The following SLC25A43 variants were observed in gnomAD, a reference collection of about 807,000 sequenced individuals.
The protein encoded by SLC25A43 is solute carrier family 25, member 43.
SLC25A43 carries 10 observed loss-of-function variants against 22.8 expected under a neutral mutation model. The ratio of observed to expected loss-of-function variants is 0.44; its 90% CI spans 0.27 to 0.74. The LOEUF (loss-of-function observed/expected upper bound fraction) is 0.74, where lower values mean the gene tolerates loss of function less well. SLC25A43 is among the 30% of genes least tolerant of loss of function. The pLI, the probability that SLC25A43 is intolerant of heterozygous loss-of-function variation, is 0.17. For synonymous variants in SLC25A43, 106 were observed against 121.6 expected, an observed-to-expected ratio of 0.87 and a Z score of 0.84; for missense variants, 233 against 279.1, an observed-to-expected ratio of 0.83 and a Z score of 1.18.
At chrX:119,416,671 G>A (rs866832007) in intron 3 of SLC25A43, among the ~76,000 whole-genome samples, 6 of 112,076 alleles carry the variant, frequency 5.4e-5, no homozygotes, top group Admixed American at 3.8e-4. Flanking sequence ...CATACACTTG[G>A]AGTAATTTAT....
intron 1 of SLC25A43, among the ~76,000 whole-genome samples, chrX:119,404,771 T>G (rs770840119): frequency 1.8e-5 from 2 of 110,923 alleles, no homozygotes; most frequent in Non-Finnish European, 3.8e-5. Flanking sequence ...GGAAGAAGAA[T>G]TGTCGGGCCA....
intron 3 of SLC25A43, among the ~76,000 whole-genome samples, chrX:119,426,700 G>A (rs781136741): frequency 3.6e-5 from 4 of 109,827 alleles, no homozygotes; most frequent in East Asian, 2.9e-4. Context: ...GCGCGCGCCC[G>A]TAGTCCCAGC....
At chrX:119,441,450 C>A (rs1378351563) in intron 3 of SLC25A43, among the ~76,000 whole-genome samples, 1 of 108,692 alleles carries the variant, frequency 9.2e-6, no homozygotes, top group African/African-American at 3.4e-5. Flanking sequence ...ACGCTGGGAG[C>A]TGTAGACCGG....
At chrX:119,447,737 C>T (rs1040151696) in intron 3 of SLC25A43, among the ~76,000 whole-genome samples, 3 of 111,040 alleles carry the variant, frequency 2.7e-5, no homozygotes, top group Admixed American at 1.9e-4. Flanking sequence ...CACTTGGCTT[C>T]CTGGACACCA....
chrX:119,427,384 C>T lies in SLC25A43; in HGVS notation c.690+17022C>T, dbSNP rs2052516152. Among the ~76,000 whole-genome samples, 7 of 112,152 alleles carry T rather than the reference C, an allele frequency of 6.2e-5. No homozygotes were observed. In the South Asian group the frequency reaches 2.6e-3, roughly 41 times the overall value. On this transcript the variant is annotated intron_variant, in intron 3 of 4. Coordinates refer to ENST00000217909, the MANE Select transcript of SLC25A43 (RefSeq NM_145305.3). ...GCAGCTAGTCAACCCTCTAGCCTGC[C>T]ACTGAATCGGAAGGCATTCACACTG...
At chrX:119,401,609 G>A (rs989906035) in intron 1 of SLC25A43, among the ~76,000 whole-genome samples, 12 of 110,181 alleles carry the variant, frequency 1.1e-4, no homozygotes, top group African/African-American at 4.0e-4. Context: ...AGGTGGGAAG[G>A]CAAGCAGCAC....
At chrX:119,446,151 C>CAAAA (rs3078475) in intron 3 of SLC25A43, among the ~76,000 whole-genome samples, 4 of 38,695 alleles carry the variant, frequency 1.0e-4, no homozygotes, top group South Asian at 4.0e-3. Flanking sequence ...GACTCCATCT[C>CAAAA]AAAAAAAAAA....
At position 119,421,053 on chromosome X, in the gene SLC25A43, A is replaced by C. The variant is rs1463799715; in HGVS notation, c.690+10691A>C. Among the ~76,000 whole-genome samples the C allele has an allele frequency of 4.1e-5, 4 of 97,219 alleles. No individual in the cohort carries two copies. In the East Asian group the frequency reaches 1.4e-3, roughly 34 times the overall value. The allele number at this position is 97,219 out of a possible 115,157, so 84.4% of individuals were successfully genotyped here. A position where few individuals can be genotyped will look rare whatever the true frequency, so the allele number is the denominator to read the frequency against. Reference sequence around the variant, plus strand: ...CTTGAACCTAGGAGGTGGAGGTTGCAGTGAGTTGAGATTGTGCCACTGCAC... The same window carrying C: ...CTTGAACCTAGGAGGTGGAGGTTGCCGTGAGTTGAGATTGTGCCACTGCAC... On this transcript the variant is annotated intron_variant, in intron 3 of 4. Transcript: ENST00000217909.
chrX:119,417,188 C>T (rs2052409594), intron 3 of SLC25A43, among the ~76,000 whole-genome samples: 1 of 109,564 alleles, frequency 9.1e-6, no homozygotes, highest in East Asian at 2.9e-4. Context: ...GAAGCCGAGG[C>T]GGGTGGATCA....
chrX:119,426,741 T>C (rs1439461169), intron 3 of SLC25A43, among the ~76,000 whole-genome samples: 5 of 108,371 alleles, frequency 4.6e-5, no homozygotes, highest in African/African-American at 1.3e-4. Context: ...GATAATCACT[T>C]GAACCAAGGA....
chrX:119,419,066 C>G (rs1282676054), intron 3 of SLC25A43, among the ~76,000 whole-genome samples: 2 of 112,303 alleles, frequency 1.8e-5, no homozygotes, highest in East Asian at 5.6e-4. Context: ...GAAAATGGCT[C>G]TCTGCACAGG....
At chrX:119,447,536 G>A (rs960753116) in intron 3 of SLC25A43, among the ~76,000 whole-genome samples, 5 of 110,854 alleles carry the variant, frequency 4.5e-5, no homozygotes, top group African/African-American at 1.6e-4. Context: ...TTGAACTCCT[G>A]GGCTCAAGCA....
intron 3 of SLC25A43, among the ~76,000 whole-genome samples, chrX:119,450,600 G>A (rs1317709842): frequency 8.9e-6 from 1 of 112,077 alleles, no homozygotes; most frequent in Non-Finnish European, 1.9e-5. Flanking sequence ...AAACGAACCT[G>A]CTCAACTCCA....
intron 1 of SLC25A43, among the ~76,000 whole-genome samples, chrX:119,406,122 G>A (rs1375052792): frequency 8.9e-6 from 1 of 111,807 alleles, no homozygotes; most frequent in South Asian, 3.7e-4. Flanking sequence ...CTGAAAGACT[G>A]CACTCCAGTT....
chrX:119,431,829 G>A (rs73601662), intron 3 of SLC25A43, among the ~76,000 whole-genome samples: 39 of 111,378 alleles, frequency 3.5e-4, no homozygotes, highest in African/African-American at 1.2e-3. Context: ...CTCATATAAG[G>A]TAGAGTGTGC....
rs72607650 is a variant in SLC25A43 at position 119,409,950 on chromosome X, G to A, written c.518-240G>A. Among the ~76,000 whole-genome samples the A allele has an allele frequency of 1.5e-3, 166 of 112,336 alleles. 1 individual carries two copies. In the East Asian group the frequency reaches 0.037, roughly 25 times the overall value. ...TTTTTTAAAGTACAATTTACATCCAGTAAAGTGGACAAACCTTTAGTGAAC... is the reference window on the plus strand; with the variant it reads ...TTTTTTAAAGTACAATTTACATCCAATAAAGTGGACAAACCTTTAGTGAAC... On this transcript the variant is annotated intron_variant, in intron 2 of 4. Transcript: ENST00000217909.
intron 3 of SLC25A43, among the ~76,000 whole-genome samples, chrX:119,433,314 T>C (rs1273997677): frequency 9.0e-6 from 1 of 111,471 alleles, no homozygotes; most frequent in Non-Finnish European, 1.9e-5. Context: ...TTTAAGGCCC[T>C]CACTGATTGG....
intron 3 of SLC25A43, among the ~76,000 whole-genome samples, chrX:119,431,546 GA>G (rs1248081418): frequency 4.6e-5 from 5 of 109,421 alleles, no homozygotes; most frequent in Non-Finnish European, 9.5e-5. Context: ...AAAGAAAGAG[GA>G]AAAAAAAGAA....
intron 3 of SLC25A43, among the ~76,000 whole-genome samples, chrX:119,449,009 G>A (rs1019922822): frequency 9.0e-6 from 1 of 111,676 alleles, no homozygotes; most frequent in Non-Finnish European, 1.9e-5. Flanking sequence ...TTGTCATGAA[G>A]GGCCTTACAT....
Sources: allele counts gnomAD v4.1 joint callset (sites outside exome capture counted in the v4.1 genomes callset), GRCh38; gene constraint gnomAD v4.1.1; transcripts MANE v1.5; gene names NCBI Gene and HGNC (gene_info 2026-07-23, HGNC 2026-07-21).